The following B3GALT1 variants were observed in gnomAD, a reference collection of about 807,000 sequenced individuals.
B3GALT1 encodes the protein UDP-Gal:betaGlcNAc beta 1,3-galactosyltransferase, polypeptide 1.
A neutral mutation model predicts 23.2 loss-of-function variants in B3GALT1; 10 were observed. That is an observed-to-expected ratio of 0.43 (90% CI 0.27 to 0.73). B3GALT1 has a LOEUF of 0.73. Among genes scored for constraint, B3GALT1 ranks in the 30% least tolerant of loss-of-function variants. B3GALT1 has a pLI of 0.21. For synonymous variants in B3GALT1, 156 were observed against 141.5 expected (o/e 1.10, Z -0.73); for missense variants, 299 against 405.4 (o/e 0.74, Z 2.25).
intron 1 of B3GALT1, among the ~76,000 whole-genome samples, chr2:167,304,972 C>T (rs1035906916): frequency 6.6e-6 from 1 of 152,152 alleles, no homozygotes; most frequent in African/African-American, 2.4e-5. Context: ...CACCCTTCCT[C>T]TGACATTTTG....
chr2:167,335,983 A>C (rs769510882), intron 1 of B3GALT1, among the ~76,000 whole-genome samples: 1 of 152,112 alleles, frequency 6.6e-6, no homozygotes, highest in East Asian at 1.9e-4. Context: ...GCTGGGGAGT[A>C]AAAATGGGAG....
chr2:167,819,261 C>T (rs1444863079), intron 4 of B3GALT1, among the ~76,000 whole-genome samples: 11 of 152,194 alleles, frequency 7.2e-5, no homozygotes, highest in Non-Finnish European at 1.6e-4. Flanking sequence ...CTAATTGATT[C>T]TTGAAACTTC....
intron 3 of B3GALT1, among the ~76,000 whole-genome samples, chr2:167,732,778 C>A (rs969456008): frequency 3.9e-5 from 6 of 152,130 alleles, no homozygotes. Flanking sequence ...TAACAATAAT[C>A]TATCAGGACC....
At chr2:167,789,114 G>A (rs150558421) in intron 3 of B3GALT1, among the ~76,000 whole-genome samples, 14 of 152,222 alleles carry the variant, frequency 9.2e-5, no homozygotes, top group East Asian at 3.9e-4. Context: ...CCATTAACTC[G>A]CATGTCACAT....
intron 2 of B3GALT1, among the ~76,000 whole-genome samples, chr2:167,587,060 T>C (rs1684595493): frequency 6.6e-6 from 1 of 152,196 alleles, no homozygotes; most frequent in Admixed American, 6.5e-5. Flanking sequence ...CTAGAGCTTA[T>C]TTTAACCCCT....
At chr2:167,847,570 C>G (rs13425415) in intron 4 of B3GALT1, among the ~76,000 whole-genome samples, 6,653 of 152,228 alleles carry the variant, frequency 0.044, 234 homozygotes, top group Middle Eastern at 0.11. Flanking sequence ...ACCAAAGCCT[C>G]TGGAATACAG....
At chr2:167,738,039 T>A (rs914873438) in intron 3 of B3GALT1, among the ~76,000 whole-genome samples, 5 of 152,190 alleles carry the variant, frequency 3.3e-5, no homozygotes, top group African/African-American at 1.2e-4. Context: ...GCCTGAGATT[T>A]ATGTTTCTTT....
intron 1 of B3GALT1, among the ~76,000 whole-genome samples, chr2:167,454,218 CGCGCGTGCACGT>C (rs140712273): frequency 0.043 from 6,440 of 148,486 alleles, 135 homozygotes; most frequent in African/African-American, 0.051. Flanking sequence ...TGTGCGCACG[CGCGCGTGCACGT>C]GTGTGCATGT....
intron 1 of B3GALT1, among the ~76,000 whole-genome samples, chr2:167,330,259 C>G (rs976473024): frequency 6.6e-6 from 1 of 151,396 alleles, no homozygotes; most frequent in African/African-American, 2.5e-5. Flanking sequence ...TAACAGACCT[C>G]TGTTCATGTT....
intron 1 of B3GALT1, among the ~76,000 whole-genome samples, chr2:167,448,867 A>G (rs1699043787): frequency 6.6e-6 from 1 of 151,902 alleles, no homozygotes; most frequent in Non-Finnish European, 1.5e-5. Flanking sequence ...TGCTTTCTCC[A>G]CTTTTTGTTT....
intron 3 of B3GALT1, among the ~76,000 whole-genome samples, chr2:167,683,041 T>C (rs1686560069): frequency 6.6e-6 from 1 of 152,226 alleles, no homozygotes; most frequent in South Asian, 2.1e-4. Flanking sequence ...ATTACTATTA[T>C]GATTTATTAT....
intron 1 of B3GALT1, among the ~76,000 whole-genome samples, chr2:167,411,673 A>G (rs1473047826): frequency 1.3e-5 from 2 of 152,168 alleles, no homozygotes; most frequent in East Asian, 3.9e-4. Flanking sequence ...AAAAAGTTAA[A>G]AATAGAACTA....
intron 2 of B3GALT1, among the ~76,000 whole-genome samples, chr2:167,582,347 A>G (rs940697660): frequency 6.6e-6 from 1 of 152,174 alleles, no homozygotes; most frequent in Non-Finnish European, 1.5e-5. Flanking sequence ...AACAATAGTA[A>G]TAAGCGTTAT....
intron 3 of B3GALT1, among the ~76,000 whole-genome samples, chr2:167,712,925 T>C (rs1358910467): frequency 6.6e-6 from 1 of 152,192 alleles, no homozygotes; most frequent in Non-Finnish European, 1.5e-5. Flanking sequence ...TTCTCTACTG[T>C]CAATAGGGGG....
intron 2 of B3GALT1, among the ~76,000 whole-genome samples, chr2:167,521,995 T>C (rs1403767119): frequency 6.8e-6 from 1 of 146,496 alleles, no homozygotes; most frequent in African/African-American, 2.5e-5. Context: ...TATATATATA[T>C]ATATATATAT....
intron 1 of B3GALT1, among the ~76,000 whole-genome samples, chr2:167,374,899 A>T (rs1016338730): frequency 1.3e-5 from 2 of 152,044 alleles, no homozygotes; most frequent in African/African-American, 4.8e-5. Flanking sequence ...TTGAGGAGTT[A>T]GTCATAAATT....
Position 167,491,747 on chromosome 2 carries a change from G to A in B3GALT1, c.-410+1470G>A, listed in dbSNP as rs182414535. Among the ~76,000 whole-genome samples the A allele has an allele frequency of 1.4e-4, 21 of 151,606 alleles. No homozygotes were observed. In the East Asian group the frequency reaches 3.3e-3, roughly 24 times the overall value. Reference sequence around the variant, plus strand: ...GGAGAATGGCATGTACCCAGGAGGCGGAGCTTGCAGTGAGCCAAGATCACA... The same window carrying A: ...GGAGAATGGCATGTACCCAGGAGGCAGAGCTTGCAGTGAGCCAAGATCACA... On this transcript the variant is annotated intron_variant, in intron 2 of 4. Transcript: ENST00000392690.
intron 2 of B3GALT1, among the ~76,000 whole-genome samples, chr2:167,582,849 T>C (rs1023544622): frequency 1.2e-4 from 18 of 152,154 alleles, no homozygotes; most frequent in African/African-American, 4.3e-4. Context: ...CCCGCACTGA[T>C]CCTGGCCAGC....
chr2:167,459,122 G>A (rs897690372), intron 1 of B3GALT1, among the ~76,000 whole-genome samples: 4 of 152,082 alleles, frequency 2.6e-5, no homozygotes, highest in Admixed American at 2.0e-4. Context: ...AGTAATTAGT[G>A]TCAATGAGAG....
Sources: allele counts gnomAD v4.1 joint callset (sites outside exome capture counted in the v4.1 genomes callset), GRCh38; gene constraint gnomAD v4.1.1; transcripts MANE v1.5; gene names NCBI Gene and HGNC (gene_info 2026-07-23, HGNC 2026-07-21).